The following PPARG variants were observed in gnomAD, a reference collection of about 807,000 sequenced individuals.
PPARG encodes the protein peroxisome proliferator-activated receptor gamma.
A neutral mutation model predicts 39.2 loss-of-function variants in PPARG; 17 were observed. That is an observed-to-expected ratio of 0.43 (90% CI 0.30 to 0.65). The LOEUF (loss-of-function observed/expected upper bound fraction) is 0.65, where lower values mean the gene tolerates loss of function less well. Ranked by LOEUF, PPARG falls within the 30% of genes least tolerant of loss-of-function variation. The probability of loss-of-function intolerance (pLI) is 0.13; values close to 1 mark genes in which losing one functional copy is unlikely to be tolerated. For synonymous variants in PPARG, 223 were observed against 215.7 expected, an observed-to-expected ratio of 1.03 and a Z score of -0.30; for missense variants, 406 against 585.9, an observed-to-expected ratio of 0.69 and a Z score of 3.17.
At chr3:12,360,222 G>C (rs1292994887) in intron 2 of PPARG, among the ~76,000 whole-genome samples, 1 of 152,110 alleles carries the variant, frequency 6.6e-6, no homozygotes, top group Admixed American at 6.5e-5. Flanking sequence ...ATGTTGTTCA[G>C]ACTGGTTTCG....
intron 6 of PPARG, among the ~76,000 whole-genome samples, chr3:12,410,625 A>G (rs1237674373): frequency 5.3e-5 from 8 of 152,210 alleles, no homozygotes; most frequent in African/African-American, 1.9e-4. Flanking sequence ...ATGTGGAGTC[A>G]CTGTATTTAT....
chr3:12,380,201 T>A (rs1168906886), intron 3 of PPARG, among the ~76,000 whole-genome samples: 1 of 152,014 alleles, frequency 6.6e-6, no homozygotes, highest in Non-Finnish European at 1.5e-5. Flanking sequence ...GGACATTTTC[T>A]ACCTTGATTA....
intron 2 of PPARG, among the ~76,000 whole-genome samples, chr3:12,316,217 G>A (rs967700821): frequency 2.0e-5 from 3 of 152,054 alleles, no homozygotes; most frequent in African/African-American, 7.2e-5. Context: ...GAAAATGAGC[G>A]GTCTAAATTC....
upstream of PPARG, chr3:12,287,973 T>G (rs1449116699): frequency 1.4e-5 from 2 of 147,888 alleles, no homozygotes; most frequent in Admixed American, 6.7e-5. Context: ...GGCGCTTGGG[T>G]CGGCCTCGAG....
chr3:12,406,918 G>C (rs1489957000), intron 6 of PPARG: 1 of 152,216 alleles, frequency 6.6e-6, no homozygotes. Context: ...GCTCTGAGCT[G>C]CCTGGACTAC....
rs377513048 is a variant in PPARG at position 12,416,784 on chromosome 3, G to A, written c.810G>A (p.Glu270=). The part of the protein sequence containing the change: ...IKFKHITPLQ[E]QSKEVAIRIF... ...TCAAACACATCACCCCCCTGCAGGA[G>A]CAGAGCAAAGAGGTGGCCATCCGCA... The change falls in exon 7 of 8, where the codon GAG becomes GAA. Residue 270 remains glutamate, a synonymous_variant. Coordinates refer to ENST00000651735, the MANE Select transcript of PPARG (RefSeq NM_138711.6). 29 of 1,614,138 alleles carry A rather than the reference G, an allele frequency of 1.8e-5. No individual in the cohort carries two copies. The African/African-American group carries it at 3.7e-4, about 21-fold the overall frequency.
chr3:12,428,104 C>T (rs1250902521), intron 7 of PPARG, among the ~76,000 whole-genome samples: 1 of 152,162 alleles, frequency 6.6e-6, no homozygotes, highest in Non-Finnish European at 1.5e-5. Context: ...TGAGACACCT[C>T]CTGAGAAAAT....
chr3:12,312,174 A>G lies in PPARG; in HGVS notation c.-82-206A>G, dbSNP rs2047265029. Among the ~76,000 whole-genome samples, 2 of 152,374 alleles carry G rather than the reference A, an allele frequency of 1.3e-5. 1 individual carries two copies. The highest frequency in any genetic ancestry group is 6.8e-3 in the Middle Eastern group (2 of 294). On this transcript the variant is annotated intron_variant, in intron 1 of 7. Coordinates refer to ENST00000651735, the MANE Select transcript of PPARG (RefSeq NM_138711.6). Reference sequence around the variant, plus strand: ...AAGATTCTCCAGCCCTGCATGATTTATGATGAATCATTTTGTGGTCTGTTA... The same window carrying G: ...AAGATTCTCCAGCCCTGCATGATTTGTGATGAATCATTTTGTGGTCTGTTA...
intron 1 of PPARG, among the ~76,000 whole-genome samples, chr3:12,308,703 A>G (rs7638788): frequency 0.09 from 13,760 of 152,194 alleles, 2,062 homozygotes; most frequent in African/African-American, 0.31. Flanking sequence ...TCATGGTGGG[A>G]GTATTTACAC....
At chr3:12,291,053 G>A (rs2046636632) in intron 1 of PPARG, among the ~76,000 whole-genome samples, 1 of 152,096 alleles carries the variant, frequency 6.6e-6, no homozygotes, top group Non-Finnish European at 1.5e-5. Flanking sequence ...TATGTCATTA[G>A]GTGTGGCAAA....
At chr3:12,402,345 A>G (rs4135275) in intron 5 of PPARG, among the ~76,000 whole-genome samples, 26,762 of 152,054 alleles carry the variant, frequency 0.18, 3,206 homozygotes, top group East Asian at 0.49. Flanking sequence ...CTTCTTACTT[A>G]GTGCTTTTCT....
intron 7 of PPARG, 50 bp from the exon 8 acceptor site, chr3:12,433,848 G>T (rs902312330): frequency 1.2e-6 from 2 of 1,612,480 alleles, no homozygotes; most frequent in South Asian, 2.2e-5. Flanking sequence ...GGGGCCCAGA[G>T]GATTTTTTGA....
intron 2 of PPARG, among the ~76,000 whole-genome samples, chr3:12,324,449 A>G (rs2047636809): frequency 6.6e-6 from 1 of 152,184 alleles, no homozygotes; most frequent in South Asian, 2.1e-4. Flanking sequence ...AGTTACAACT[A>G]TACTTTGAAA....
At chr3:12,354,645 C>G (rs1029887063) in intron 2 of PPARG, among the ~76,000 whole-genome samples, 2 of 150,972 alleles carry the variant, frequency 1.3e-5, no homozygotes, top group African/African-American at 4.9e-5. Flanking sequence ...CCCAGCTACT[C>G]AGGAGGCTGA....
rs191903660 is a variant in PPARG at position 12,326,336 on chromosome 3, C to T, written c.-9+13883C>T. ...CAGCAGTCCAGTGATACACAATATG[C>T]GTTTTCCAGACCACTGAAACAGCAA... On this transcript the variant is annotated intron_variant, in intron 2 of 7. Coordinates refer to ENST00000651735, the MANE Select transcript of PPARG (RefSeq NM_138711.6). Among the ~76,000 whole-genome samples, 360 of 152,244 alleles carry T rather than the reference C, an allele frequency of 2.4e-3. 1 individual carries two copies. Among genetic ancestry groups the T allele is most frequent in the African/African-American group, 8.1e-3 (335 of 41,552 alleles).
At chr3:12,358,642 A>G (rs1469066102) in intron 2 of PPARG, among the ~76,000 whole-genome samples, 1 of 152,202 alleles carries the variant, frequency 6.6e-6, no homozygotes, top group African/African-American at 2.4e-5. Flanking sequence ...AAGTTTGCTT[A>G]GTGGATTAAA....
At chr3:12,358,864 T>A (rs993165562) in intron 2 of PPARG, among the ~76,000 whole-genome samples, 1 of 152,230 alleles carries the variant, frequency 6.6e-6, no homozygotes, top group Admixed American at 6.5e-5. Flanking sequence ...TTTGCTATTA[T>A]ATACACTTAG....
intron 2 of PPARG, among the ~76,000 whole-genome samples, chr3:12,314,023 TCCC>T (rs1040560492): frequency 2.0e-5 from 3 of 152,156 alleles, no homozygotes; most frequent in African/African-American, 7.2e-5. Flanking sequence ...ACGCCTGTAA[TCCC>T]AGAACTTTGG....
chr3:12,329,603 G>T (rs937317447), intron 2 of PPARG, among the ~76,000 whole-genome samples: 2 of 151,960 alleles, frequency 1.3e-5, no homozygotes, highest in African/African-American at 4.8e-5. Context: ...AAAACAAGTT[G>T]CCCATTCTAT....
Sources: gnomAD v4.1 joint callset for allele counts (sites outside exome capture counted in the v4.1 genomes callset) on GRCh38, gnomAD v4.1.1 for gene constraint, MANE v1.5 for transcripts, NCBI Gene and HGNC (gene_info 2026-07-23, HGNC 2026-07-21) for gene names.